Variants in CCDC158 observed in about 807,000 individuals in gnomAD.
The protein encoded by CCDC158 is coiled-coil domain containing 158.
CCDC158 carries 116 observed loss-of-function variants against 138.6 expected under a neutral mutation model. That is an observed-to-expected ratio of 0.84 (90% confidence interval 0.72 to 0.98). The LOEUF (loss-of-function observed/expected upper bound fraction) is 0.98, where lower values mean the gene tolerates loss of function less well. Ranked by LOEUF, CCDC158 falls within the 50% of genes least tolerant of loss-of-function variation. The pLI is 0.00. For missense variants in CCDC158, 1,265 were observed against 1,306.1 expected (o/e 0.97, Z 0.48); for synonymous variants, 436 against 442.4 (o/e 0.99, Z 0.18).
intron 24 of CCDC158, among the ~76,000 whole-genome samples, chr4:76,320,397 C>A (rs961764426): frequency 6.6e-6 from 1 of 152,048 alleles, no homozygotes; most frequent in African/African-American, 2.4e-5. Context: ...ATGCAATTCC[C>A]ATCAAAATAC....
chr4:76,344,656 C>G (rs1200918169), intron 18 of CCDC158: 2 of 1,608,346 alleles, frequency 1.2e-6, no homozygotes, highest in Non-Finnish European at 1.7e-6. Flanking sequence ...CACACAAAGA[C>G]CACACTGCCC....
At chr4:76,388,596 G>A (rs1219410571) in intron 4 of CCDC158, among the ~76,000 whole-genome samples, 1 of 152,136 alleles carries the variant, frequency 6.6e-6, no homozygotes, top group Non-Finnish European at 1.5e-5. Context: ...AAACTCCTAA[G>A]GTATTTGACT....
intron 1 of CCDC158, among the ~76,000 whole-genome samples, chr4:76,416,248 C>T (rs945691696): frequency 6.6e-6 from 1 of 152,186 alleles, no homozygotes; most frequent in Non-Finnish European, 1.5e-5. Context: ...GCTCACACTC[C>T]TTACCCTGCC....
chr4:76,409,354 A>AC (rs999107969), intron 2 of CCDC158, among the ~76,000 whole-genome samples: 20 of 151,628 alleles, frequency 1.3e-4, no homozygotes, highest in African/African-American at 4.4e-4. Flanking sequence ...TAAAAAAAAA[A>AC]CTCTGCACTT....
chr4:76,421,523 G>A (rs1161316197), upstream of CCDC158, among the ~76,000 whole-genome samples: 1 of 151,756 alleles, frequency 6.6e-6, no homozygotes, highest in Non-Finnish European at 1.5e-5. Flanking sequence ...CCACCCGAGC[G>A]CCTCGGGCCA....
intron 18 of CCDC158, among the ~76,000 whole-genome samples, chr4:76,344,003 G>A (rs1722305144): frequency 2.0e-5 from 3 of 152,272 alleles, no homozygotes; most frequent in South Asian, 4.1e-4. Flanking sequence ...GTTCTGGCCA[G>A]GGCAATCAGG....
At chr4:76,419,964 C>T (rs763630277) in intron 1 of CCDC158, among the ~76,000 whole-genome samples, 13 of 148,218 alleles carry the variant, frequency 8.8e-5, no homozygotes, top group Non-Finnish European at 1.6e-4. Context: ...AAACTAAGTC[C>T]TCATTGTAAA....
rs1215960974 is a variant in CCDC158 at position 76,351,827 on chromosome 4, A to C, written c.2446-15T>G. The C allele has an allele frequency of 6.6e-7, 1 of 1,519,866 alleles. No individual in the cohort carries two copies. Among genetic ancestry groups the C allele is most frequent in the Admixed American group, 1.7e-5 (1 of 59,720 alleles). 94.1% of individuals were successfully genotyped at this position (1,519,866 alleles called of 1,614,324 possible). ...TGCAAAGATGCCTACAAATGGAGCA[A>C]TCATAAATGGTTTATCTTGCATTCT... On this transcript the variant is annotated splice_polypyrimidine_tract_variant and intron_variant, in intron 16 of 24. Coordinates refer to ENST00000682701, the MANE Select transcript of CCDC158 (RefSeq NM_001394954.1).
chr4:76,331,342 A>T lies in CCDC158; in HGVS notation c.2942+2T>A. On this transcript the variant is annotated splice_donor_variant, in intron 21 of 24. Coordinates refer to ENST00000682701, the MANE Select transcript of CCDC158 (RefSeq NM_001394954.1). LOFTEE classifies it high-confidence loss of function. ...TTGAAAATGGGGGCTGGTATTTCCT[A>T]CCTACTAAGAGTTTCACTTGATTTG... 1 of 1,613,358 alleles carries T rather than the reference A, an allele frequency of 6.2e-7. No homozygotes were observed.
In CCDC158 at chr4:76,313,191, C is replaced by A; in HGVS notation, c.3333G>T (p.Gln1111His). The change falls in exon 25 of 25, where the codon CAG becomes CAT. Residue 1111 changes from glutamine (Q) to histidine (H), a missense_variant. Transcript: ENST00000682701. ...CGAGTCATTTTAGTAACATTTTTTC[C>A]TGGTCTTTTACTTTCTGTATCCTCT... is the stretch of plus-strand genomic sequence containing the variant. ...QEKRIQKVKD[Q>H]EKMLLK 6.2e-7 allele frequency: 1 copy of A among 1,605,702 alleles called. No homozygotes were observed. Among genetic ancestry groups the A allele is most frequent in the Non-Finnish European group, 8.5e-7 (1 of 1,175,510 alleles).
At chr4:76,368,662 C>T (rs1724925274) in intron 11 of CCDC158, among the ~76,000 whole-genome samples, 1 of 152,108 alleles carries the variant, frequency 6.6e-6, no homozygotes, top group South Asian at 2.1e-4. Flanking sequence ...GGAATGCACT[C>T]ATCAGTCTCA....
chr4:76,326,025 T>C lies in CCDC158; in HGVS notation c.3011-10A>G, dbSNP rs1397059179. On this transcript the variant is annotated splice_polypyrimidine_tract_variant and intron_variant, in intron 22 of 24. Coordinates refer to ENST00000682701, the MANE Select transcript of CCDC158 (RefSeq NM_001394954.1). ...TTCACAGATGGACTTGCTAAAAGTT[T>C]GCAAGAATAAAAGTAAAAGGACAGA... 6.9e-6 allele frequency: 11 copies of C among 1,603,830 alleles called. No homozygotes were observed. The highest frequency in any genetic ancestry group is 1.7e-4 in the Middle Eastern group (1 of 6,022).
intron 18 of CCDC158, among the ~76,000 whole-genome samples, chr4:76,340,405 C>T (rs967079895): frequency 3.3e-5 from 5 of 152,320 alleles, no homozygotes; most frequent in East Asian, 1.9e-4. Context: ...CTGGCTTTGT[C>T]CATGCTAGAA....
At position 76,321,970 on chromosome 4, in the gene CCDC158, A is replaced by G. The variant is rs148725337; in HGVS notation, c.3277+1332T>C. Among the ~76,000 whole-genome samples, 691 of 151,842 alleles carry G rather than the reference A, an allele frequency of 4.6e-3. 5 individuals are homozygous for G. Among genetic ancestry groups the G allele is most frequent in the African/African-American group, 0.016 (657 of 41,408 alleles). On this transcript the variant is annotated intron_variant, in intron 24 of 24. Coordinates refer to ENST00000682701, the MANE Select transcript of CCDC158 (RefSeq NM_001394954.1). Reference sequence around the variant, plus strand: ...AGCTAAGCTATGAGGACGCAAAGGCATAATAATAATACGATGGACGTTGAG... The same window carrying G: ...AGCTAAGCTATGAGGACGCAAAGGCGTAATAATAATACGATGGACGTTGAG...
Position 76,384,554 on chromosome 4 carries a change from A to T in CCDC158, c.398+2T>A, listed in dbSNP as rs1726604995. On this transcript the variant is annotated splice_donor_variant, in intron 5 of 24. Transcript: ENST00000682701. LOFTEE classifies it high-confidence loss of function. ...CTTTAAAATAATTTCACAAATCCCA[A>T]CCTGATGTCAGCCATAGCATCTCTC... The T allele has an allele frequency of 6.2e-7, 1 of 1,605,162 alleles. No homozygotes were observed. Among genetic ancestry groups the T allele is most frequent in the Non-Finnish European group, 8.5e-7 (1 of 1,175,942 alleles).
intron 24 of CCDC158, among the ~76,000 whole-genome samples, chr4:76,313,826 A>T (rs969222141): frequency 1.2e-4 from 18 of 152,264 alleles, no homozygotes; most frequent in African/African-American, 4.3e-4. Context: ...TATGCTATAG[A>T]CTGTTCTGTA....
intron 4 of CCDC158, among the ~76,000 whole-genome samples, chr4:76,385,140 G>A (rs977007606): frequency 6.6e-6 from 1 of 152,168 alleles, no homozygotes; most frequent in Non-Finnish European, 1.5e-5. Flanking sequence ...AGATGCTGTA[G>A]GAGATGCTCC....
chr4:76,403,711 T>C (rs1455308159), intron 2 of CCDC158, among the ~76,000 whole-genome samples: 2 of 152,170 alleles, frequency 1.3e-5, no homozygotes, highest in African/African-American at 4.8e-5. Flanking sequence ...ACAATGGTGG[T>C]GGTCTGATTT....
intron 1 of CCDC158, among the ~76,000 whole-genome samples, chr4:76,414,884 C>T (rs1177211883): frequency 6.6e-6 from 1 of 152,104 alleles, no homozygotes; most frequent in East Asian, 1.9e-4. Flanking sequence ...CAGACTAATA[C>T]AGTAAATTGG....
Sources: gnomAD v4.1 joint callset for allele counts (sites outside exome capture counted in the v4.1 genomes callset) on GRCh38, gnomAD v4.1.1 for gene constraint, MANE v1.5 for transcripts, NCBI Gene and HGNC (gene_info 2026-07-23, HGNC 2026-07-21) for gene names.